The following GRM7 variants were observed in gnomAD, a reference collection of about 807,000 sequenced individuals.
GRM7 encodes the protein metabotropic glutamate receptor 7.
A neutral mutation model predicts 84.5 loss-of-function variants in GRM7; 35 were observed. That is an observed-to-expected ratio of 0.41 (90% CI 0.32 to 0.55). The LOEUF (loss-of-function observed/expected upper bound fraction) is 0.55, where lower values mean the gene tolerates loss of function less well. Among genes scored for constraint, GRM7 ranks in the 20% least tolerant of loss-of-function variants. The pLI, the probability that GRM7 is intolerant of heterozygous loss-of-function variation, is 0.19. For missense variants in GRM7, 1,003 were observed against 1,194.6 expected, an observed-to-expected ratio of 0.84 and a Z score of 2.36; for synonymous variants, 487 against 455.1, an observed-to-expected ratio of 1.07 and a Z score of -0.89.
At chr3:7,142,924 A>G (rs1353774309) in intron 1 of GRM7, among the ~76,000 whole-genome samples, 1 of 152,182 alleles carries the variant, frequency 6.6e-6, no homozygotes, top group Non-Finnish European at 1.5e-5. Context: ...AAGAATAATA[A>G]GATGACAATA....
At chr3:7,222,195 C>G (rs1032045594) in intron 2 of GRM7, among the ~76,000 whole-genome samples, 1 of 152,040 alleles carries the variant, frequency 6.6e-6, no homozygotes, top group Non-Finnish European at 1.5e-5. Context: ...GACAATATGT[C>G]TGAATGCCTT....
At chr3:7,669,735 GA>G (rs1422672763) in intron 8 of GRM7, among the ~76,000 whole-genome samples, 4 of 152,268 alleles carry the variant, frequency 2.6e-5, no homozygotes, top group South Asian at 2.1e-4. Context: ...AGAGGAAAGG[GA>G]AATGGGTCTT....
At chr3:7,234,426 T>C (rs1003796549) in intron 2 of GRM7, among the ~76,000 whole-genome samples, 1 of 152,168 alleles carries the variant, frequency 6.6e-6, no homozygotes, top group Admixed American at 6.5e-5. Flanking sequence ...GGGCCTCTGA[T>C]TCCCTAACCA....
intron 8 of GRM7, among the ~76,000 whole-genome samples, chr3:7,659,627 G>C (rs748415978): frequency 1.3e-5 from 2 of 152,178 alleles, no homozygotes; most frequent in Non-Finnish European, 2.9e-5. Context: ...ATGTAAGTGA[G>C]ACATCTGGTT....
At chr3:7,385,820 A>G (rs1215977763) in intron 4 of GRM7, among the ~76,000 whole-genome samples, 1 of 152,242 alleles carries the variant, frequency 6.6e-6, no homozygotes, top group Non-Finnish European at 1.5e-5. Flanking sequence ...CAGTAACCTA[A>G]TATTTCATCA....
At chr3:7,476,183 C>T (rs1291410756) in intron 7 of GRM7, among the ~76,000 whole-genome samples, 1 of 152,150 alleles carries the variant, frequency 6.6e-6, no homozygotes, top group South Asian at 2.1e-4. Context: ...CAGGCTTCAT[C>T]CCCCCATCTG....
chr3:7,272,090 TTTCAAC>T (rs1179193358), intron 2 of GRM7, among the ~76,000 whole-genome samples: 1 of 152,216 alleles, frequency 6.6e-6, no homozygotes, highest in East Asian at 1.9e-4. Flanking sequence ...TATTTTTACT[TTTCAAC>T]TTCATCTTAC....
chr3:7,740,111 A>G (rs144545170), intron 9 of GRM7, among the ~76,000 whole-genome samples: 11 of 152,310 alleles, frequency 7.2e-5, no homozygotes, highest in African/African-American at 2.4e-4. Context: ...TTATTAATAG[A>G]GTATAAAGAG....
intron 1 of GRM7, among the ~76,000 whole-genome samples, chr3:6,932,957 G>A (rs1448816455): frequency 4.6e-5 from 7 of 151,846 alleles, no homozygotes; most frequent in Non-Finnish European, 1.0e-4. Context: ...GTTTCACCAT[G>A]TTGGCCAAGC....
At chr3:6,948,599 C>T (rs138532450) in intron 1 of GRM7, among the ~76,000 whole-genome samples, 11,059 of 152,190 alleles carry the variant, frequency 0.073, 555 homozygotes, top group Non-Finnish European at 0.11. Flanking sequence ...AGTTCAATTC[C>T]TGTATATCCT....
At chr3:7,653,628 G>C (rs910865970) in intron 8 of GRM7, among the ~76,000 whole-genome samples, 3 of 152,124 alleles carry the variant, frequency 2.0e-5, no homozygotes, top group Admixed American at 2.0e-4. Context: ...TTAAACCAAG[G>C]GTTTTGAGTC....
intron 5 of GRM7, among the ~76,000 whole-genome samples, chr3:7,423,933 G>T (rs1231834050): frequency 6.6e-6 from 1 of 152,062 alleles, no homozygotes; most frequent in Non-Finnish European, 1.5e-5. Context: ...TGAAAGCTGG[G>T]TGCTGGCTTT....
At chr3:7,674,136 G>T (rs1239962026) in intron 8 of GRM7, among the ~76,000 whole-genome samples, 2 of 151,910 alleles carry the variant, frequency 1.3e-5, no homozygotes, top group Non-Finnish European at 2.9e-5. Context: ...TATACACTAT[G>T]AAGAAATGAT....
intron 8 of GRM7, chr3:7,607,906 CCAGTGT>C (rs1242258419): frequency 6.0e-6 from 1 of 167,946 alleles, no homozygotes; most frequent in Non-Finnish European, 1.4e-5. Flanking sequence ...CAAGTAGGCC[CCAGTGT>C]CTTTTGTTCC....
At position 6,861,671 on chromosome 3, in the gene GRM7, C is replaced by T. The variant is rs758931417; in HGVS notation, c.283C>T (p.Leu95=). ...GGACCAGATCAACAGTGATCCCAACCTACTGCCCAACGTGACGCTGGGCGC... is the reference window on the plus strand; with the variant it reads ...GGACCAGATCAACAGTGATCCCAACTTACTGCCCAACGTGACGCTGGGCGC... ...ALDQINSDPN[L]LPNVTLGARI... Residue 95 remains leucine (L), a synonymous_variant, in exon 1 of 10, where the codon CTA becomes TTA. Coordinates refer to ENST00000357716, the MANE Select transcript of GRM7 (RefSeq NM_000844.4). This position sits in a 1 kb window ranked among gnomAD's most constrained non-coding sequence, Gnocchi z 6.4. The T allele has an allele frequency of 3.1e-5, 50 of 1,613,992 alleles. No individual in the cohort carries two copies. Among genetic ancestry groups the T allele is most frequent in the Non-Finnish European group, 4.0e-5 (47 of 1,180,022 alleles).
chr3:7,723,094 T>C (rs887313069), intron 9 of GRM7, among the ~76,000 whole-genome samples: 2 of 152,214 alleles, frequency 1.3e-5, no homozygotes, highest in African/African-American at 4.8e-5. Flanking sequence ...TCTATACCTA[T>C]GTATTTTTGT....
Position 7,516,337 on chromosome 3 carries a change from C to T in GRM7, c.1515+54615C>T, listed in dbSNP as rs559227041. ...CTAAAAATACAAAAAATTAGCCAGGCGTGGTGGTGTGCGCCTGTAGTCCCA... is the reference window on the plus strand; with the variant it reads ...CTAAAAATACAAAAAATTAGCCAGGTGTGGTGGTGTGCGCCTGTAGTCCCA... On this transcript the variant is annotated intron_variant, in intron 7 of 9. Coordinates refer to ENST00000357716, the MANE Select transcript of GRM7 (RefSeq NM_000844.4). Among the ~76,000 whole-genome samples, 21 of 149,986 alleles carry T rather than the reference C, an allele frequency of 1.4e-4. 1 individual carries two copies. Among genetic ancestry groups the T allele is most frequent in the African/African-American group, 4.0e-4 (16 of 40,424 alleles).
Position 7,253,616 on chromosome 3 carries a change from TAAA to T in GRM7, c.737-45047_737-45045del, listed in dbSNP as rs138776034. The stretch of plus-strand genomic sequence containing the variant: ...CAGGCAACAAGAGTGAAACTCCATC[TAAA>T]AAAAAAAAAAAAAAAAAAAATCACT... On this transcript the variant is annotated intron_variant, in intron 2 of 9. Coordinates refer to ENST00000357716, the MANE Select transcript of GRM7 (RefSeq NM_000844.4). Among the ~76,000 whole-genome samples, 736 of 121,164 alleles carry T rather than the reference TAAA, an allele frequency of 6.1e-3. 3 individuals carry two copies. Among genetic ancestry groups the T allele is most frequent in the South Asian group, 0.024 (82 of 3,428 alleles). 79.5% of individuals were successfully genotyped at this position (121,164 alleles called of 152,430 possible).
At chr3:7,086,412 G>A (rs1312662006) in intron 1 of GRM7, among the ~76,000 whole-genome samples, 3 of 152,090 alleles carry the variant, frequency 2.0e-5, no homozygotes, top group African/African-American at 4.8e-5. Flanking sequence ...CCACAGGTCA[G>A]TCAAGCTTAG....
Sources: allele counts gnomAD v4.1 joint callset (sites outside exome capture counted in the v4.1 genomes callset), GRCh38; gene constraint gnomAD v4.1.1; non-coding constraint Gnocchi (gnomAD v3.1); transcripts MANE v1.5; gene names NCBI Gene and HGNC (gene_info 2026-07-23, HGNC 2026-07-21).